Variants in SLC60A1 observed in about 807,000 individuals in gnomAD.
SLC60A1 encodes the protein solute carrier family 60 member 1.
the SLC60A1 span, chr1:205,600,160 A>T: frequency 2.2e-6 from 1 of 446,334 alleles, no homozygotes; most frequent in African/African-American, 2.0e-5. Flanking sequence ...CATTAAATGA[A>T]TAACACTTAA....
the SLC60A1 span, chr1:205,579,829 C>G: frequency 6.2e-7 from 1 of 1,614,188 alleles, no homozygotes; most frequent in Non-Finnish European, 8.5e-7. Flanking sequence ...CCTTCTGCCG[C>G]GACGTGAAGG....
the SLC60A1 span, among the ~76,000 whole-genome samples, chr1:205,586,576 C>G: frequency 6.6e-6 from 1 of 152,154 alleles, no homozygotes; most frequent in Non-Finnish European, 1.5e-5. Context: ...ACCTTGGTGC[C>G]CAGCTGCTCA....
chr1:205,602,340 G>A, the SLC60A1 span: 11 of 152,632 alleles, frequency 7.2e-5, no homozygotes, highest in Non-Finnish European at 1.6e-4. Flanking sequence ...AAAGAGAAAC[G>A]TGGCTCAAGT....
At chr1:205,573,744 T>G in the SLC60A1 span, among the ~76,000 whole-genome samples, 2 of 152,160 alleles carry the variant, frequency 1.3e-5, no homozygotes, top group Non-Finnish European at 2.9e-5. Flanking sequence ...TTGCCCAAGC[T>G]GCAGTGAGGT....
the SLC60A1 span, chr1:205,600,623 T>A: frequency 3.2e-6 from 2 of 631,618 alleles, no homozygotes; most frequent in Non-Finnish European, 5.6e-6. Context: ...TGAGTCCTGG[T>A]ACCTGGTCAA....
chr1:205,595,522 T>G, the SLC60A1 span, among the ~76,000 whole-genome samples: 2 of 151,438 alleles, frequency 1.3e-5, no homozygotes, highest in South Asian at 4.2e-4. Context: ...CTAGGTTATC[T>G]GCTTCTCCTA....
At chr1:205,579,946 C>G in the SLC60A1 span, 2 of 1,612,022 alleles carry the variant, frequency 1.2e-6, no homozygotes, top group South Asian at 2.2e-5. Flanking sequence ...CCGTCTTCCT[C>G]CAGGTAAGCC....
At chr1:205,590,248 A>C in the SLC60A1 span, among the ~76,000 whole-genome samples, 1 of 152,184 alleles carries the variant, frequency 6.6e-6, no homozygotes. Flanking sequence ...GAGCCAGAAG[A>C]GAATCCTGGG....
At chr1:205,593,196 C>T in the SLC60A1 span, among the ~76,000 whole-genome samples, 1,736 of 152,090 alleles carry the variant, frequency 0.011, 16 homozygotes, top group Admixed American at 0.018. Context: ...TCTGGCCGCG[C>T]GGGGTGGCTC....
the SLC60A1 span, among the ~76,000 whole-genome samples, chr1:205,577,501 T>G: frequency 6.6e-6 from 1 of 152,202 alleles, no homozygotes; most frequent in Non-Finnish European, 1.5e-5. The surrounding 1 kb of genome is among the most constrained non-coding windows in gnomAD (Gnocchi z 5.2). Context: ...CATGTGGATC[T>G]CTGCTAACCC....
At chr1:205,588,487 AAAAG>A in the SLC60A1 span, among the ~76,000 whole-genome samples, 784 of 150,378 alleles carry the variant, frequency 5.2e-3, 6 homozygotes, top group African/African-American at 0.018. Flanking sequence ...AAAAAAAAAA[AAAAG>A]AAAGAGAAAA....
chr1:205,580,309 C>T, the SLC60A1 span, among the ~76,000 whole-genome samples: 2 of 152,192 alleles, frequency 1.3e-5, no homozygotes. This position sits in a 1 kb window ranked among gnomAD's most constrained non-coding sequence, Gnocchi z 5.0. Flanking sequence ...CAGCCCTTCC[C>T]TTTTTGTGCC....
chr1:205,596,507 T>C, the SLC60A1 span, among the ~76,000 whole-genome samples: 1 of 120,358 alleles, frequency 8.3e-6, no homozygotes, highest in Non-Finnish European at 1.6e-5. Context: ...GCTGAGGCAC[T>C]GTACTCCAGC....
At chr1:205,598,855 T>G in the SLC60A1 span, 2 of 468,724 alleles carry the variant, frequency 4.3e-6, no homozygotes, top group Non-Finnish European at 7.6e-6. Flanking sequence ...TCAGTGATGA[T>G]AGAGATCGTC....
the SLC60A1 span, among the ~76,000 whole-genome samples, chr1:205,575,131 G>C: frequency 6.6e-6 from 1 of 152,168 alleles, no homozygotes; most frequent in East Asian, 1.9e-4. Flanking sequence ...GGGGTCCCTT[G>C]TCTACTGGTT....
the SLC60A1 span, chr1:205,584,017 C>A: frequency 1.2e-6 from 2 of 1,614,054 alleles, no homozygotes; most frequent in Non-Finnish European, 1.7e-6. Flanking sequence ...CCTGCTGTCC[C>A]CAGAGGAGGC....
the SLC60A1 span, among the ~76,000 whole-genome samples, chr1:205,578,452 G>A: frequency 6.6e-6 from 1 of 152,274 alleles, no homozygotes; most frequent in East Asian, 1.9e-4. Context: ...CCTCCCCCAT[G>A]AGTTCTGAGC....
chr1:205,584,231 T>TTTC, the SLC60A1 span: 2 of 1,318,988 alleles, frequency 1.5e-6, no homozygotes, highest in South Asian at 3.1e-5. Context: ...TTTTTTTTTT[T>TTTC]TTTTTTTGAG....
At chr1:205,583,005 C>T in the SLC60A1 span, among the ~76,000 whole-genome samples, 450 of 152,310 alleles carry the variant, frequency 3.0e-3, 1 homozygote, top group African/African-American at 9.9e-3. Flanking sequence ...AATAGCTGGG[C>T]GCTCTCACCA....
Sources: allele counts gnomAD v4.1 joint callset (sites outside exome capture counted in the v4.1 genomes callset), GRCh38; gene constraint gnomAD v4.1.1; non-coding constraint Gnocchi (gnomAD v3.1); transcripts MANE v1.5; gene names NCBI Gene and HGNC (gene_info 2026-07-23, HGNC 2026-07-21).